EVC2: variants seen among roughly 807,000 people sequenced by gnomAD.
EVC2 encodes the protein EvC ciliary complex subunit 2.
Under a neutral mutation model 149.3 loss-of-function variants are expected in EVC2, and 148 were observed. The ratio of observed to expected loss-of-function variants is 0.99; its 90% CI spans 0.87 to 1.14. The LOEUF (loss-of-function observed/expected upper bound fraction) is 1.14. EVC2 is among the 50% of genes most tolerant of loss of function. EVC2 has a pLI of 0.00. For missense variants in EVC2, 1,854 were observed against 1,627.3 expected (o/e 1.14, Z -2.40); for synonymous variants, 776 against 649.9 (o/e 1.19, Z -2.95).
intron 14 of EVC2, among the ~76,000 whole-genome samples, chr4:5,620,046 A>C (rs1233734678): frequency 1.3e-5 from 2 of 152,172 alleles, no homozygotes; most frequent in Non-Finnish European, 2.9e-5. Context: ...TCTTTCGTGG[A>C]AAGAGAATGA....
chr4:5,565,356 T>C lies in EVC2; in HGVS notation c.3561A>G (p.Lys1187=), dbSNP rs76523157. The C allele has an allele frequency of 6.6e-4, 1,066 of 1,613,986 alleles. 8 individuals carry two copies. In the African/African-American group the frequency reaches 0.013, roughly 19 times the overall value. Residue 1187 remains lysine (K), a synonymous_variant, in exon 21 of 22, where the codon AAA becomes AAG. Transcript: ENST00000344408. The part of the protein sequence containing the change: ...AEQADVGRRR[K]HQSWWQALDG... ...CTAAGGCTTGCCACCAGCTCTGGTG[T>C]TTCCTGCAGGCAAGAAGGGAGTCTT...
intron 1 of EVC2, among the ~76,000 whole-genome samples, chr4:5,700,615 A>C (rs1486120461): frequency 6.6e-6 from 1 of 152,146 alleles, no homozygotes; most frequent in Non-Finnish European, 1.5e-5. Context: ...CAGGCCTCCC[A>C]GGGCAGTCTC....
chr4:5,562,163 G>A (rs973819350), downstream of EVC2, among the ~76,000 whole-genome samples: 9 of 152,222 alleles, frequency 5.9e-5, no homozygotes, highest in African/African-American at 2.2e-4. This position sits in a 1 kb window ranked among gnomAD's most constrained non-coding sequence, Gnocchi z 4.3. Context: ...TGTGGGCCAT[G>A]AAGTGTGAAT....
At chr4:5,563,284 G>A (rs553647002) in intron 21 of EVC2, among the ~76,000 whole-genome samples, 169 bp from the exon 22 acceptor site, 3 of 152,266 alleles carry the variant, frequency 2.0e-5, no homozygotes, top group Admixed American at 2.0e-4. Flanking sequence ...AAAATTAGCT[G>A]AAGCCTGTAA....
At chr4:5,632,153 C>A in intron 10 of EVC2, 121 bp from the exon 11 acceptor site, 1 of 1,336,986 alleles carries the variant, frequency 7.5e-7, no homozygotes, top group Non-Finnish European at 1.0e-6. Context: ...CACACAGATG[C>A]ATGCACATAT....
intron 16 of EVC2, among the ~76,000 whole-genome samples, chr4:5,587,899 G>A (rs908549779): frequency 6.6e-6 from 1 of 152,150 alleles, no homozygotes; most frequent in African/African-American, 2.4e-5. Flanking sequence ...GGCCCAGGGT[G>A]TGGCGCCGGG....
At chr4:5,534,413 A>G in the EVC2 span, among the ~76,000 whole-genome samples, 1 of 152,158 alleles carries the variant, frequency 6.6e-6, no homozygotes, top group African/African-American at 2.4e-5. Context: ...AAACAGAGGC[A>G]TCATATAAAG....
intron 21 of EVC2, among the ~76,000 whole-genome samples, chr4:5,563,908 T>C (rs561372966): frequency 6.6e-6 from 1 of 152,092 alleles, no homozygotes; most frequent in Non-Finnish European, 1.5e-5. Flanking sequence ...ACTTTGAGAA[T>C]GTCCCATAAA....
At chr4:5,604,500 C>T (rs549336815) in intron 16 of EVC2, among the ~76,000 whole-genome samples, 5 of 152,092 alleles carry the variant, frequency 3.3e-5, no homozygotes, top group African/African-American at 7.2e-5. Flanking sequence ...GCAAAAAGAA[C>T]GGATCTCATG....
In EVC2 at chr4:5,679,984, G is replaced by C. The variant is rs1720234298; in HGVS notation, c.870+1276C>G. Among the ~76,000 whole-genome samples the C allele has an allele frequency of 6.6e-6, 1 of 151,858 alleles. No individual in the cohort carries two copies. The highest frequency in any genetic ancestry group is 2.1e-4 in the South Asian group (1 of 4,810). On this transcript the variant is annotated intron_variant, in intron 7 of 21. Coordinates refer to ENST00000344408, the MANE Select transcript of EVC2 (RefSeq NM_147127.5). The surrounding 1 kb of genome is among the most constrained non-coding windows in gnomAD (Gnocchi z 5.1). ...TTTTAAAACACTTCTTAAACTTTTT[G>C]TTAAAAACTAAGACACACATTAGCC... is the stretch of plus-strand genomic sequence containing the variant.
intron 3 of EVC2, among the ~76,000 whole-genome samples, chr4:5,691,668 C>T (rs540764493): frequency 6.6e-6 from 1 of 152,226 alleles, no homozygotes; most frequent in East Asian, 1.9e-4. Context: ...TTAACATGTA[C>T]CGTGTGCTTA....
rs1717232075 is a variant in EVC2, at chr4:5,640,397, G to C, written c.1470+117C>G. On this transcript the variant is annotated intron_variant, in intron 10 of 21. Transcript: ENST00000344408. This position sits in a 1 kb window ranked among gnomAD's most constrained non-coding sequence, Gnocchi z 4.6. ...GAATAGATGAATGAGTGGGTGGTTG[G>C]ATGGATGATGGGTAGACGGATGGAG... 5 of 1,192,166 alleles carry C rather than the reference G, an allele frequency of 4.2e-6. No homozygotes were observed. The Admixed American group carries it at 5.0e-5, about 12-fold the overall frequency. The allele number at this position is 1,192,166 out of a possible 1,614,324, so 73.8% of individuals were successfully genotyped here. A position where few individuals can be genotyped will look rare whatever the true frequency, so the allele number is the denominator to read the frequency against.
chr4:5,708,188 T>G, intron 1 of EVC2, 98 bp downstream of exon 1: 1 of 1,106,320 alleles, frequency 9.0e-7, no homozygotes, highest in Non-Finnish European at 1.2e-6. Flanking sequence ...CCCTTCCTCA[T>G]TCTTTGCGAA....
chr4:5,662,504 A>AC (rs1299400458), intron 9 of EVC2, among the ~76,000 whole-genome samples: 2 of 143,034 alleles, frequency 1.4e-5, no homozygotes, highest in African/African-American at 5.1e-5. Context: ...TATTAAATAT[A>AC]TTAAATATAA....
intron 21 of EVC2, among the ~76,000 whole-genome samples, chr4:5,546,595 T>C (rs1721627994): frequency 6.6e-6 from 1 of 151,808 alleles, no homozygotes; most frequent in Non-Finnish European, 1.5e-5. Flanking sequence ...GGGATAGCAT[T>C]AGGAGATATA....
At chr4:5,647,361 A>G (rs943928145) in intron 9 of EVC2, among the ~76,000 whole-genome samples, 6 of 152,220 alleles carry the variant, frequency 3.9e-5, no homozygotes, top group Admixed American at 6.5e-5. Flanking sequence ...GTTTTGATCA[A>G]CTGCGGTCTT....
intron 17 of EVC2, among the ~76,000 whole-genome samples, chr4:5,583,220 T>C (rs977136417): frequency 6.6e-6 from 1 of 152,238 alleles, no homozygotes; most frequent in Non-Finnish European, 1.5e-5. Context: ...AACCTGTCCA[T>C]AATGTATTAA....
chr4:5,594,947 C>T (rs939112634), intron 16 of EVC2, among the ~76,000 whole-genome samples: 1 of 152,116 alleles, frequency 6.6e-6, no homozygotes, highest in African/African-American at 2.4e-5. Flanking sequence ...CCGATGCGAT[C>T]AACTGGAAGA....
At chr4:5,656,830 T>A (rs1383786224) in intron 9 of EVC2, among the ~76,000 whole-genome samples, 2 of 152,052 alleles carry the variant, frequency 1.3e-5, no homozygotes, top group African/African-American at 4.8e-5. Context: ...AAGGTTACGG[T>A]AATTTGTGAC....
Sources: allele counts gnomAD v4.1 joint callset (sites outside exome capture counted in the v4.1 genomes callset), GRCh38; gene constraint gnomAD v4.1.1; non-coding constraint Gnocchi (gnomAD v3.1); transcripts MANE v1.5; gene names NCBI Gene and HGNC (gene_info 2026-07-23, HGNC 2026-07-21).